Variants in SLC35D4 observed in about 807,000 individuals in gnomAD.
SLC35D4 encodes the protein UDP-N-acetylglucosamine transporter SLC35D4.
chr18:23,322,220 A>AT, the SLC35D4 span, among the ~76,000 whole-genome samples: 1 of 152,004 alleles, frequency 6.6e-6, no homozygotes, highest in East Asian at 1.9e-4. Flanking sequence ...CTCCATCTCC[A>AT]CGTGTTGTGG....
chr18:23,247,729 G>A, the SLC35D4 span, among the ~76,000 whole-genome samples: 18 of 152,348 alleles, frequency 1.2e-4, no homozygotes, highest in Admixed American at 9.1e-4. Context: ...CCACTGAGCC[G>A]CAGCTCAGAG....
chr18:23,322,553 A>G, the SLC35D4 span, among the ~76,000 whole-genome samples: 6 of 152,198 alleles, frequency 3.9e-5, no homozygotes, highest in African/African-American at 1.4e-4. Context: ...TGGTGCTTAC[A>G]TTTCTGAGAA....
the SLC35D4 span, among the ~76,000 whole-genome samples, chr18:23,299,802 A>C: frequency 6.6e-6 from 1 of 152,204 alleles, no homozygotes; most frequent in Non-Finnish European, 1.5e-5. Context: ...CACTTGGTTC[A>C]CAATGGGGAT....
the SLC35D4 span, among the ~76,000 whole-genome samples, chr18:23,344,763 G>A: frequency 2.0e-5 from 3 of 151,742 alleles, no homozygotes; most frequent in East Asian, 5.9e-4. Flanking sequence ...CACCACGCCT[G>A]GCTAATTTTT....
the SLC35D4 span, among the ~76,000 whole-genome samples, chr18:23,421,871 G>T: frequency 6.6e-6 from 1 of 151,758 alleles, no homozygotes; most frequent in Admixed American, 6.6e-5. Context: ...TAGAGACAGG[G>T]TTTTACCCTG....
At chr18:23,323,410 C>T in the SLC35D4 span, among the ~76,000 whole-genome samples, 1 of 152,204 alleles carries the variant, frequency 6.6e-6, no homozygotes, top group Admixed American at 6.5e-5. Flanking sequence ...ACCCTGTTGC[C>T]TGCTTTTCAC....
chr18:23,433,706 A>G, the SLC35D4 span, among the ~76,000 whole-genome samples: 1 of 152,210 alleles, frequency 6.6e-6, no homozygotes, highest in African/African-American at 2.4e-5. Flanking sequence ...TTCAAACAAT[A>G]GAAGGGGGTC....
chr18:23,312,051 T>A, the SLC35D4 span, among the ~76,000 whole-genome samples: 4 of 152,254 alleles, frequency 2.6e-5, no homozygotes, highest in Non-Finnish European at 5.9e-5. Flanking sequence ...GTCATTTCTA[T>A]GTCCTCACCA....
chr18:23,303,181 G>A, the SLC35D4 span, among the ~76,000 whole-genome samples: 2 of 152,208 alleles, frequency 1.3e-5, no homozygotes, highest in Non-Finnish European at 2.9e-5. Flanking sequence ...GAACAGCTCT[G>A]TGCAAGACAC....
At chr18:23,353,076 A>AGTGTGTGTGTGTGT in the SLC35D4 span, among the ~76,000 whole-genome samples, 5,519 of 126,442 alleles carry the variant, frequency 0.044, 310 homozygotes, top group Non-Finnish European at 0.051. Context: ...TGAGACAGAC[A>AGTGTGTGTGTGTGT]GTGTGTGTGT....
the SLC35D4 span, chr18:23,309,706 C>T: frequency 1.5e-4 from 249 of 1,614,012 alleles, no homozygotes; most frequent in Middle Eastern, 1.6e-4. Flanking sequence ...TGGTCAGGAT[C>T]GCATCAAACA....
At chr18:23,412,442 A>T in the SLC35D4 span, among the ~76,000 whole-genome samples, 14 of 152,224 alleles carry the variant, frequency 9.2e-5, no homozygotes, top group African/African-American at 3.1e-4. Context: ...TGCATATTAC[A>T]TCACTAATTA....
chr18:23,396,021 C>T, the SLC35D4 span, among the ~76,000 whole-genome samples: 1 of 152,186 alleles, frequency 6.6e-6, no homozygotes, highest in Non-Finnish European at 1.5e-5. Context: ...TGTCTTTATG[C>T]CCCCAACACA....
At chr18:23,395,555 C>G in the SLC35D4 span, among the ~76,000 whole-genome samples, 1 of 152,200 alleles carries the variant, frequency 6.6e-6, no homozygotes, top group African/African-American at 2.4e-5. Flanking sequence ...CAGCTGCAGA[C>G]CCTGGCCTCC....
the SLC35D4 span, among the ~76,000 whole-genome samples, chr18:23,341,586 G>T: frequency 6.6e-6 from 1 of 152,236 alleles, no homozygotes; most frequent in Non-Finnish European, 1.5e-5. Context: ...CTGGCACCCA[G>T]TGTAGGCACA....
chr18:23,241,646 T>G, the SLC35D4 span, among the ~76,000 whole-genome samples: 1 of 152,260 alleles, frequency 6.6e-6, no homozygotes, highest in African/African-American at 2.4e-5. Flanking sequence ...TGCATGGCTT[T>G]CTGTGGAAAT....
chr18:23,292,655 T>C, the SLC35D4 span, among the ~76,000 whole-genome samples: 2 of 152,190 alleles, frequency 1.3e-5, no homozygotes, highest in African/African-American at 4.8e-5. Context: ...GCATGAAGGT[T>C]GAAAGCATGG....
the SLC35D4 span, among the ~76,000 whole-genome samples, chr18:23,289,177 CTG>C: frequency 6.6e-6 from 1 of 152,352 alleles, no homozygotes; most frequent in East Asian, 1.9e-4. Context: ...CCAGTTTACA[CTG>C]TTTCTCCAAG....
At chr18:23,377,035 T>C in the SLC35D4 span, 18 of 452,860 alleles carry the variant, frequency 4.0e-5, no homozygotes, top group South Asian at 2.8e-4. Flanking sequence ...AAAGCACCTC[T>C]GTTGGTTTTC....
Sources: allele counts gnomAD v4.1 joint callset (sites outside exome capture counted in the v4.1 genomes callset), GRCh38; gene constraint gnomAD v4.1.1; transcripts MANE v1.5; gene names NCBI Gene and HGNC (gene_info 2026-07-23, HGNC 2026-07-21).